The following PRKN variants were observed in gnomAD, a reference collection of about 807,000 sequenced individuals.
PRKN encodes the protein E3 ubiquitin-protein ligase parkin.
A neutral mutation model predicts 59.5 loss-of-function variants in PRKN; 56 were observed. That is an observed-to-expected ratio of 0.94 (90% confidence interval 0.76 to 1.18). PRKN has a LOEUF of 1.18. Among genes scored for constraint, PRKN ranks in the 50% most tolerant of loss-of-function variants. The pLI, the probability that PRKN is intolerant of heterozygous loss-of-function variation, is 0.00. For synonymous variants in PRKN, 250 were observed against 222.1 expected, an observed-to-expected ratio of 1.13 and a Z score of -1.12; for missense variants, 657 against 596.4, an observed-to-expected ratio of 1.10 and a Z score of -1.06.
chr6:162,323,429 T>A (rs893845774), intron 2 of PRKN, among the ~76,000 whole-genome samples: 1 of 135,738 alleles, frequency 7.4e-6, no homozygotes, highest in African/African-American at 2.8e-5. Context: ...ATAAAAAAAA[T>A]TAAAGACTTC....
intron 5 of PRKN, among the ~76,000 whole-genome samples, chr6:161,989,084 T>C (rs1781547387): frequency 6.6e-6 from 1 of 152,236 alleles, no homozygotes; most frequent in Admixed American, 6.5e-5. Context: ...AGACATACAA[T>C]GAGCTTTAGT....
intron 1 of PRKN, among the ~76,000 whole-genome samples, chr6:162,469,339 G>A (rs76056852): frequency 0.25 from 33,013 of 131,424 alleles, 4,842 homozygotes; most frequent in East Asian, 0.38. Flanking sequence ...TTAAGAAAGT[G>A]GGGGGGTTGC....
intron 1 of PRKN, among the ~76,000 whole-genome samples, chr6:162,628,564 GA>G (rs778915026): frequency 3.3e-4 from 50 of 151,844 alleles, no homozygotes; most frequent in Admixed American, 1.2e-3. Context: ...TGTGAAATAG[GA>G]GACAAATCAT....
chr6:162,703,647 A>T (rs1051626554), intron 1 of PRKN, among the ~76,000 whole-genome samples: 6 of 152,214 alleles, frequency 3.9e-5, no homozygotes, highest in Admixed American at 2.6e-4. Context: ...GAAGTAGATC[A>T]TACTATCCCC....
intron 6 of PRKN, among the ~76,000 whole-genome samples, chr6:161,933,226 G>A (rs560727087): frequency 8.5e-5 from 13 of 152,260 alleles, no homozygotes; most frequent in African/African-American, 3.1e-4. Context: ...GCAGCAATAA[G>A]CTGAGATCAG....
intron 1 of PRKN, among the ~76,000 whole-genome samples, chr6:162,525,437 T>A (rs1006198709): frequency 3.9e-5 from 6 of 152,082 alleles, no homozygotes; most frequent in African/African-American, 1.4e-4. Context: ...GCTGGCCACA[T>A]CGCTCACTCC....
chr6:162,042,001 C>T (rs1191266436), intron 5 of PRKN, among the ~76,000 whole-genome samples: 1 of 152,026 alleles, frequency 6.6e-6, no homozygotes, highest in African/African-American at 2.4e-5. Context: ...AGCTTCACTC[C>T]CATGCAGTAT....
intron 9 of PRKN, among the ~76,000 whole-genome samples, chr6:161,505,519 G>C (rs375398563): frequency 9.3e-4 from 141 of 152,190 alleles, no homozygotes; most frequent in Admixed American, 2.5e-3. Flanking sequence ...TGCAGAAGCT[G>C]TTTAGTTTAA....
chr6:161,753,928 A>G (rs938021717), intron 7 of PRKN, among the ~76,000 whole-genome samples: 14 of 152,290 alleles, frequency 9.2e-5, no homozygotes, highest in Admixed American at 9.1e-4. Flanking sequence ...GAAAGGTCAG[A>G]GGGTAAGCTA....
chr6:162,121,156 C>T (rs190610887), intron 4 of PRKN, among the ~76,000 whole-genome samples: 1 of 152,298 alleles, frequency 6.6e-6, no homozygotes, highest in East Asian at 1.9e-4. Context: ...GCTCTTTGTC[C>T]TGACTACATT....
At chr6:161,570,948 A>G (rs557257418) in intron 7 of PRKN, among the ~76,000 whole-genome samples, 35 of 152,168 alleles carry the variant, frequency 2.3e-4, no homozygotes, top group Middle Eastern at 6.8e-3. Context: ...CATTTATACT[A>G]TTATTTTTTT....
intron 3 of PRKN, among the ~76,000 whole-genome samples, chr6:162,225,475 A>G (rs1224527563): frequency 6.6e-6 from 1 of 152,150 alleles, no homozygotes; most frequent in Non-Finnish European, 1.5e-5. Context: ...ACCTTCTTTC[A>G]TCTCTTTGGT....
Position 162,173,011 on chromosome 6 carries a change from C to T in PRKN, c.534+28120G>A, listed in dbSNP as rs2128320253. On this transcript the variant is annotated intron_variant, in intron 4 of 11. Transcript: ENST00000366898. ...AAGGGGTCCTGGCCCCTGAAGACACCCTGGGGAATTGAATGGCTTGGGGAT... is the reference window on the plus strand; with the variant it reads ...AAGGGGTCCTGGCCCCTGAAGACACTCTGGGGAATTGAATGGCTTGGGGAT... Among the ~76,000 whole-genome samples the T allele has an allele frequency of 2.6e-5, 4 of 152,198 alleles. 1 individual carries two copies. Among genetic ancestry groups the T allele is most frequent in the Admixed American group, 2.6e-4 (4 of 15,288 alleles).
intron 9 of PRKN, among the ~76,000 whole-genome samples, chr6:161,406,946 G>A (rs1787304969): frequency 6.6e-6 from 1 of 152,132 alleles, no homozygotes; most frequent in Admixed American, 6.5e-5. Context: ...GGTAAGGACA[G>A]AGCTTCTTGC....
At position 161,401,316 on chromosome 6, in the gene PRKN, A is replaced by C. The variant is rs1440330619; in HGVS notation, c.1084-14439T>G. Reference sequence around the variant, plus strand: ...GCTTTAGCACCAAAGAATTAATTTTAAAAGTTAGAGTTGGCCGGGCATGGT... The same window carrying C: ...GCTTTAGCACCAAAGAATTAATTTTCAAAGTTAGAGTTGGCCGGGCATGGT... On this transcript the variant is annotated intron_variant, in intron 9 of 11. Coordinates refer to ENST00000366898, the MANE Select transcript of PRKN (RefSeq NM_004562.3). The surrounding 1 kb of genome is among the most constrained non-coding windows in gnomAD (Gnocchi z 4.4). Among the ~76,000 whole-genome samples, 2 of 152,152 alleles carry C rather than the reference A, an allele frequency of 1.3e-5. No homozygotes were observed. The highest frequency in any genetic ancestry group is 4.8e-5 in the African/African-American group (2 of 41,430).
chr6:162,335,695 T>C (rs896483146), intron 2 of PRKN, among the ~76,000 whole-genome samples: 11 of 152,178 alleles, frequency 7.2e-5, no homozygotes, highest in African/African-American at 2.7e-4. Context: ...AAACTGCTCT[T>C]ATTTCTCCTA....
intron 6 of PRKN, among the ~76,000 whole-genome samples, chr6:161,901,872 G>A (rs544431005): frequency 7.4e-4 from 112 of 152,294 alleles, no homozygotes; most frequent in African/African-American, 2.6e-3. Flanking sequence ...CCCTGCTGCT[G>A]CAGCTGCGAG....
At chr6:162,390,396 T>TATATATATATATACACACAC (rs1180636201) in intron 2 of PRKN, among the ~76,000 whole-genome samples, 17 of 84,116 alleles carry the variant, frequency 2.0e-4, no homozygotes, top group Admixed American at 1.6e-3. Context: ...TATATATATA[T>TATATATATATATACACACAC]ACACACACAC....
intron 2 of PRKN, among the ~76,000 whole-genome samples, chr6:162,363,149 A>C (rs1785240321): frequency 6.7e-6 from 1 of 150,112 alleles, no homozygotes; most frequent in African/African-American, 2.5e-5. Flanking sequence ...AAAAAAAAAA[A>C]AAAAAAAATT....
Sources: allele counts gnomAD v4.1 joint callset (sites outside exome capture counted in the v4.1 genomes callset), GRCh38; gene constraint gnomAD v4.1.1; non-coding constraint Gnocchi (gnomAD v3.1); transcripts MANE v1.5; gene names NCBI Gene and HGNC (gene_info 2026-07-23, HGNC 2026-07-21).